NELL1: variants seen among roughly 807,000 people sequenced by gnomAD.
The protein encoded by NELL1 is neural EGFL like 1, also known as protein kinase C-binding protein NELL1.
In NELL1, 76 loss-of-function variants were observed where a neutral mutation model predicts 107.4. The observed-to-expected ratio is 0.71, with a 90% confidence interval of 0.59 to 0.86. The LOEUF (loss-of-function observed/expected upper bound fraction) is 0.86. Ranked by LOEUF, NELL1 falls within the 40% of genes least tolerant of loss-of-function variation. The pLI is 0.00. For synonymous variants in NELL1, 353 were observed against 341.2 expected, an observed-to-expected ratio of 1.03 and a Z score of -0.38; for missense variants, 1,024 against 1,005.5, an observed-to-expected ratio of 1.02 and a Z score of -0.25.
intron 2 of NELL1, among the ~76,000 whole-genome samples, chr11:20,693,617 A>T (rs1385168435): frequency 6.6e-6 from 1 of 151,022 alleles, no homozygotes; most frequent in Non-Finnish European, 1.5e-5. Flanking sequence ...ATTGGCCCCC[A>T]CTCTTTTCTG....
At chr11:21,280,238 G>C (rs1478586030) in intron 14 of NELL1, among the ~76,000 whole-genome samples, 1 of 152,138 alleles carries the variant, frequency 6.6e-6, no homozygotes, top group Non-Finnish European at 1.5e-5. Flanking sequence ...ATCAGTGTTG[G>C]TTCATTGGTT....
At chr11:21,393,306 A>C (rs1157730321) in intron 15 of NELL1, among the ~76,000 whole-genome samples, 1 of 151,658 alleles carries the variant, frequency 6.6e-6, no homozygotes, top group Non-Finnish European at 1.5e-5. Flanking sequence ...GAACTGAGAA[A>C]TAGTGTAGAA....
At chr11:21,475,079 A>G (rs556033671) in intron 15 of NELL1, among the ~76,000 whole-genome samples, 3 of 152,276 alleles carry the variant, frequency 2.0e-5, no homozygotes, top group Admixed American at 2.0e-4. Context: ...TCAGCCTTAT[A>G]TCCTGCATAT....
intron 13 of NELL1, among the ~76,000 whole-genome samples, chr11:21,132,055 A>G (rs186675218): frequency 3.9e-4 from 59 of 152,034 alleles, no homozygotes; most frequent in Non-Finnish European, 7.2e-4. Context: ...GGCAAATATC[A>G]CCCCTCTGGC....
chr11:20,959,045 T>C (rs1851236654), intron 11 of NELL1, among the ~76,000 whole-genome samples: 1 of 152,250 alleles, frequency 6.6e-6, no homozygotes, highest in African/African-American at 2.4e-5. Context: ...GTGCTGATCC[T>C]CCTGCTTTGT....
chr11:20,797,565 C>CAAAAAAAAAAAAA (rs35016707), intron 3 of NELL1, among the ~76,000 whole-genome samples: 5 of 69,296 alleles, frequency 7.2e-5, no homozygotes, highest in African/African-American at 2.5e-4. Context: ...GACTCCATCT[C>CAAAAAAAAAAAAA]AAAAAAAAAA....
At chr11:21,038,645 G>T (rs1853153133) in intron 12 of NELL1, among the ~76,000 whole-genome samples, 1 of 152,100 alleles carries the variant, frequency 6.6e-6, no homozygotes, top group Admixed American at 6.6e-5. Flanking sequence ...CTCTCTCTGT[G>T]CTGTGGCCCT....
chr11:20,685,120 C>T (rs925975872), intron 2 of NELL1, among the ~76,000 whole-genome samples: 1 of 151,898 alleles, frequency 6.6e-6, no homozygotes, highest in Non-Finnish European at 1.5e-5. Flanking sequence ...TCAGCTTTCT[C>T]TCCTCAACTC....
At chr11:20,695,388 C>A (rs998119662) in intron 2 of NELL1, among the ~76,000 whole-genome samples, 11 of 152,068 alleles carry the variant, frequency 7.2e-5, no homozygotes, top group African/African-American at 2.2e-4. Context: ...AAGGGGAATG[C>A]TCCCAGCTTT....
At chr11:21,454,299 A>G (rs370723348) in intron 15 of NELL1, among the ~76,000 whole-genome samples, 8 of 149,930 alleles carry the variant, frequency 5.3e-5, no homozygotes, top group East Asian at 2.0e-4. Context: ...TGGTGTATAT[A>G]TGCCACATTT....
chr11:21,458,628 C>T (rs1853812042), intron 15 of NELL1, among the ~76,000 whole-genome samples: 2 of 151,980 alleles, frequency 1.3e-5, no homozygotes, highest in South Asian at 4.1e-4. Context: ...AAGCTGAATG[C>T]AGAGTGTAAT....
chr11:21,385,698 C>T (rs894462567), intron 15 of NELL1, among the ~76,000 whole-genome samples: 2 of 151,932 alleles, frequency 1.3e-5, no homozygotes, highest in East Asian at 1.9e-4. Flanking sequence ...CAAATGTTTT[C>T]TCTGCTGAAA....
At chr11:21,146,915 G>A (rs952399800) in intron 13 of NELL1, among the ~76,000 whole-genome samples, 1 of 152,156 alleles carries the variant, frequency 6.6e-6, no homozygotes, top group African/African-American at 2.4e-5. Context: ...GCGGTGGCGT[G>A]TGACTGTAGT....
chr11:21,169,991 C>T, intron 13 of NELL1: 2 of 1,325,666 alleles, frequency 1.5e-6, no homozygotes, highest in Non-Finnish European at 2.2e-6. Context: ...AATGCGGGCT[C>T]CTCAGGCTTT....
intron 12 of NELL1, among the ~76,000 whole-genome samples, chr11:21,024,220 A>T (rs1467695451): frequency 1.3e-5 from 2 of 152,148 alleles, no homozygotes; most frequent in African/African-American, 4.8e-5. Context: ...TCATTCACAA[A>T]TATCTGAACT....
intron 16 of NELL1, among the ~76,000 whole-genome samples, chr11:21,559,621 A>T (rs955349964): frequency 6.6e-6 from 1 of 152,122 alleles, no homozygotes; most frequent in Non-Finnish European, 1.5e-5. Flanking sequence ...ACTATAAAAG[A>T]CACCTATCAA....
chr11:20,672,851 ATTT>A (rs35403876), intron 1 of NELL1, among the ~76,000 whole-genome samples: 1 of 137,240 alleles, frequency 7.3e-6, no homozygotes, highest in East Asian at 2.1e-4. Context: ...AAAGGAGAGA[ATTT>A]TTTTTTTTTT....
chr11:21,376,401 G>A (rs1851480465), intron 15 of NELL1, among the ~76,000 whole-genome samples: 1 of 151,866 alleles, frequency 6.6e-6, no homozygotes, highest in South Asian at 2.1e-4. Context: ...TGTTCCATTG[G>A]TCTCTCTGTC....
chr11:20,775,389 T>C (rs1856730727), intron 2 of NELL1, among the ~76,000 whole-genome samples: 1 of 152,226 alleles, frequency 6.6e-6, no homozygotes, highest in Non-Finnish European at 1.5e-5. Context: ...CCATGGGGTG[T>C]ATATATCCTA....
Sources: allele counts gnomAD v4.1 joint callset (sites outside exome capture counted in the v4.1 genomes callset), GRCh38; gene constraint gnomAD v4.1.1; transcripts MANE v1.5; gene names NCBI Gene and HGNC (gene_info 2026-07-23, HGNC 2026-07-21).